The following PPP5C variants were observed in gnomAD, a reference collection of about 807,000 sequenced individuals.
PPP5C encodes the protein protein phosphatase 5 catalytic subunit.
In PPP5C, 21 loss-of-function variants were observed where a neutral mutation model predicts 66.7. The observed-to-expected ratio is 0.31, with a 90% CI of 0.22 to 0.45. The LOEUF is 0.45. Among genes scored for constraint, PPP5C ranks in the 20% least tolerant of loss-of-function variants. The probability of loss-of-function intolerance (pLI) is 1.00; values close to 1 mark genes in which losing one functional copy is unlikely to be tolerated. For missense variants in PPP5C, 464 were observed against 675.9 expected, an observed-to-expected ratio of 0.69 and a Z score of 3.48; for synonymous variants, 246 against 257.4, an observed-to-expected ratio of 0.96 and a Z score of 0.43.
At chr19:46,386,829 C>A in intron 7 of PPP5C, 1 of 547,436 alleles carries the variant, frequency 1.8e-6, no homozygotes, top group South Asian at 2.1e-5. Flanking sequence ...CCAGGCTGGT[C>A]TCAAATTGCT....
intron 2 of PPP5C, among the ~76,000 whole-genome samples, chr19:46,370,715 A>T (rs1053043763): frequency 6.6e-6 from 1 of 151,178 alleles, no homozygotes; most frequent in Admixed American, 6.6e-5. Context: ...ACTAAACATC[A>T]TTATACAGCT....
At position 46,389,614 on chromosome 19, in the gene PPP5C, C is replaced by A. The variant is rs1972974906; in HGVS notation, c.1356-437C>A. ...CTGTGAGTTCCCTGTCTCTCCCCAC[C>A]CGCATCATTTATTTGTTGAAGAATA... On this transcript the variant is annotated intron_variant, in intron 11 of 12. Transcript: ENST00000012443. Among the ~76,000 whole-genome samples the A allele has an allele frequency of 2.6e-5, 4 of 152,042 alleles. No homozygotes were observed. The South Asian group carries it at 8.3e-4, about 32-fold the overall frequency.
chr19:46,376,031 C>T lies in PPP5C; in HGVS notation c.511+280C>T, dbSNP rs963897946. Reference sequence around the variant, plus strand: ...GTCCCCACAGGCTGTGTCTGATTCACCTCTAGGTGCTGAGAAGATCCAAGG... The same window carrying T: ...GTCCCCACAGGCTGTGTCTGATTCATCTCTAGGTGCTGAGAAGATCCAAGG... On this transcript the variant is annotated intron_variant, in intron 3 of 12. Transcript: ENST00000012443. The surrounding 1 kb of genome is among the most constrained non-coding windows in gnomAD (Gnocchi z 5.1). Among the ~76,000 whole-genome samples the T allele has an allele frequency of 6.6e-6, 1 of 152,168 alleles. No homozygotes were observed. Among genetic ancestry groups the T allele is most frequent in the African/African-American group, 2.4e-5 (1 of 41,444 alleles).
At chr19:46,385,625 C>A (rs1403324266) in intron 7 of PPP5C, among the ~76,000 whole-genome samples, 1 of 152,052 alleles carries the variant, frequency 6.6e-6, no homozygotes, top group Non-Finnish European at 1.5e-5. Flanking sequence ...ACTAAAAATA[C>A]AAAAATTAGC....
intron 1 of PPP5C, 52 bp from the exon 2 acceptor site, chr19:46,353,696 T>C (rs1972232226): frequency 1.1e-5 from 17 of 1,608,096 alleles, no homozygotes; most frequent in Non-Finnish European, 1.4e-5. Context: ...GCCCAGGGCC[T>C]GTCCTCGCAG....
intron 1 of PPP5C, among the ~76,000 whole-genome samples, chr19:46,353,131 T>G (rs555472006): frequency 1.3e-5 from 2 of 152,286 alleles, no homozygotes; most frequent in East Asian, 3.9e-4. Flanking sequence ...GAGCAAGACC[T>G]CCATGGCTTG....
chr19:46,368,702 C>T (rs531344623), intron 2 of PPP5C, among the ~76,000 whole-genome samples: 1 of 152,162 alleles, frequency 6.6e-6, no homozygotes, highest in East Asian at 1.9e-4. Context: ...TAGATTTTAC[C>T]CCTCACCCCT....
chr19:46,374,443 C>CG (rs74171637), intron 2 of PPP5C, among the ~76,000 whole-genome samples: 52,473 of 151,906 alleles, frequency 0.35, 9,280 homozygotes, highest in Middle Eastern at 0.44. Flanking sequence ...GCAGGTCAGA[C>CG]GGGGGTCTAC....
At chr19:46,390,194 C>A (rs1279830781) in intron 12 of PPP5C, 62 bp downstream of exon 12, 1 of 1,609,588 alleles carries the variant, frequency 6.2e-7, no homozygotes, top group Non-Finnish European at 8.5e-7. Flanking sequence ...GAGGCTGAGA[C>A]CCTGGTAAGG....
At chr19:46,368,919 C>G (rs538295648) in intron 2 of PPP5C, among the ~76,000 whole-genome samples, 1 of 152,286 alleles carries the variant, frequency 6.6e-6, no homozygotes, top group Non-Finnish European at 1.5e-5. Flanking sequence ...AAGTAGTATT[C>G]CTTCATGGGG....
chr19:46,358,173 T>C (rs6509260), intron 2 of PPP5C, among the ~76,000 whole-genome samples: 67,704 of 152,164 alleles, frequency 0.44, 15,106 homozygotes, highest in South Asian at 0.54. Context: ...CTGTATTTCA[T>C]AGTACCACTG....
chr19:46,354,667 C>T (rs558196392), intron 2 of PPP5C, among the ~76,000 whole-genome samples: 16 of 152,162 alleles, frequency 1.1e-4, no homozygotes, highest in Admixed American at 3.9e-4. Context: ...CGTGGTGGCA[C>T]GCACCTTTAG....
intron 3 of PPP5C, 22 bp downstream of exon 3, chr19:46,375,773 C>T: frequency 6.4e-7 from 1 of 1,567,210 alleles, no homozygotes; most frequent in Non-Finnish European, 8.7e-7. Flanking sequence ...CTGGATGCTC[C>T]ACGCTCCAGC....
At chr19:46,354,488 C>T (rs1601412607) in intron 2 of PPP5C, among the ~76,000 whole-genome samples, 2 of 152,118 alleles carry the variant, frequency 1.3e-5, no homozygotes, top group East Asian at 3.9e-4. Context: ...TGAGGATCTG[C>T]ACTTTGAAGA....
intron 1 of PPP5C, among the ~76,000 whole-genome samples, chr19:46,349,077 C>T (rs900593707): frequency 2.6e-5 from 4 of 151,894 alleles, no homozygotes; most frequent in South Asian, 2.1e-4. Context: ...GGTGGTAAGA[C>T]GAGAACGTGC....
At chr19:46,355,755 G>A (rs768338057) in intron 2 of PPP5C, among the ~76,000 whole-genome samples, 17 of 152,150 alleles carry the variant, frequency 1.1e-4, no homozygotes, top group Non-Finnish European at 2.2e-4. Flanking sequence ...TAAAGGTCAC[G>A]AGCTGCAGGG....
intron 2 of PPP5C, among the ~76,000 whole-genome samples, chr19:46,375,220 C>T (rs148035344): frequency 5.3e-5 from 8 of 152,268 alleles, no homozygotes; most frequent in Admixed American, 3.3e-4. Flanking sequence ...TAGACCCAGC[C>T]GGGCCCTTCC....
Position 46,387,250 on chromosome 19 carries a change from A to T in PPP5C, c.1047+15A>T. The T allele has an allele frequency of 6.2e-7, 1 of 1,614,128 alleles. No homozygotes were observed. Among genetic ancestry groups the T allele is most frequent in the Non-Finnish European group, 8.5e-7 (1 of 1,179,994 alleles). On this transcript the variant is annotated intron_variant, in intron 8 of 12. Coordinates refer to ENST00000012443, the MANE Select transcript of PPP5C (RefSeq NM_006247.4). ...GCAAAGTGCTGGTGAGGACGGCGCGAGCCCTGAGTGTGGGTTCCCCACCCA... is the reference window on the plus strand; with the variant it reads ...GCAAAGTGCTGGTGAGGACGGCGCGTGCCCTGAGTGTGGGTTCCCCACCCA...
intron 2 of PPP5C, among the ~76,000 whole-genome samples, chr19:46,368,719 C>G (rs1454379336): frequency 6.6e-6 from 1 of 152,128 alleles, no homozygotes; most frequent in African/African-American, 2.4e-5. Context: ...CCCTCCCACT[C>G]TCCCCCTTCT....
Sources: gnomAD v4.1 joint callset for allele counts (sites outside exome capture counted in the v4.1 genomes callset) on GRCh38, gnomAD v4.1.1 for gene constraint, Gnocchi (gnomAD v3.1) non-coding constraint, MANE v1.5 for transcripts, NCBI Gene and HGNC (gene_info 2026-07-23, HGNC 2026-07-21) for gene names.